ZNRF3: variants seen among roughly 807,000 people sequenced by gnomAD.
ZNRF3 encodes the protein E3 ubiquitin-protein ligase ZNRF3.
ZNRF3 carries 23 observed loss-of-function variants against 72.5 expected under a neutral mutation model. The ratio of observed to expected loss-of-function variants is 0.32; its 90% CI spans 0.23 to 0.45. ZNRF3 has a LOEUF of 0.45. Ranked by LOEUF, ZNRF3 falls within the 20% of genes least tolerant of loss-of-function variation. The pLI, the probability that ZNRF3 is intolerant of heterozygous loss-of-function variation, is 1.00. For missense variants in ZNRF3, 1,169 were observed against 1,272.1 expected (o/e 0.92, Z 1.23); for synonymous variants, 610 against 545.3 (o/e 1.12, Z -1.65).
At chr22:28,958,352 A>T (rs1032676250) in intron 1 of ZNRF3, among the ~76,000 whole-genome samples, 2 of 152,330 alleles carry the variant, frequency 1.3e-5, no homozygotes, top group South Asian at 4.1e-4. Context: ...TGATCAGTAG[A>T]TTTGGAGATG....
chr22:28,963,511 A>G (rs967982044), intron 1 of ZNRF3, among the ~76,000 whole-genome samples: 4 of 152,188 alleles, frequency 2.6e-5, no homozygotes, highest in African/African-American at 9.7e-5. Flanking sequence ...TAAAAGCAAT[A>G]AATTATTTGT....
rs568694974 is a variant in ZNRF3 at position 28,920,679 on chromosome 22, A to G, written c.300+36613A>G. On this transcript the variant is annotated intron_variant, in intron 1 of 8. Coordinates refer to ENST00000544604, the MANE Select transcript of ZNRF3 (RefSeq NM_001206998.2). ...TCTCATTCTCTGTGTTGACTTTACAATAGCTATGCTTTTTTCCCTCTCATT... is the reference window on the plus strand; with the variant it reads ...TCTCATTCTCTGTGTTGACTTTACAGTAGCTATGCTTTTTTCCCTCTCATT... 1.1e-4 allele frequency among the ~76,000 whole-genome samples: 16 copies of G among 152,368 alleles called. No homozygotes were observed. The South Asian group carries it at 1.5e-3, about 14-fold the overall frequency.
At chr22:29,029,441 G>T (rs2123869229) in intron 2 of ZNRF3, among the ~76,000 whole-genome samples, 1 of 152,264 alleles carries the variant, frequency 6.6e-6, no homozygotes, top group East Asian at 1.9e-4. Flanking sequence ...TTGCCTCATT[G>T]TAAGTAGTCC....
At chr22:28,980,770 C>T (rs1201866703) in intron 1 of ZNRF3, among the ~76,000 whole-genome samples, 2 of 152,176 alleles carry the variant, frequency 1.3e-5, no homozygotes, top group Non-Finnish European at 2.9e-5. Flanking sequence ...TTCTTGTCTT[C>T]TCATTTCAAG....
At chr22:28,951,310 G>A (rs1445380617) in intron 1 of ZNRF3, among the ~76,000 whole-genome samples, 1 of 152,096 alleles carries the variant, frequency 6.6e-6, no homozygotes, top group African/African-American at 2.4e-5. Context: ...TCTTTACGGA[G>A]GTAATCAAGT....
intron 2 of ZNRF3, among the ~76,000 whole-genome samples, chr22:29,020,877 A>G (rs1986295): frequency 0.016 from 2,345 of 150,924 alleles, 50 homozygotes; most frequent in South Asian, 0.058. Context: ...GCTCACTGCA[A>G]GCTCCACTTC....
At chr22:29,046,687 C>A in intron 5 of ZNRF3, 29 bp from the exon 6 acceptor site, 1 of 1,564,312 alleles carries the variant, frequency 6.4e-7, no homozygotes, top group Admixed American at 1.8e-5. Context: ...CGTACTGGAC[C>A]CTCACACAGA....
intron 1 of ZNRF3, among the ~76,000 whole-genome samples, chr22:28,894,517 C>T (rs1260578609): frequency 6.6e-6 from 1 of 152,092 alleles, no homozygotes; most frequent in Non-Finnish European, 1.5e-5. Context: ...AGGCAGATGG[C>T]CATGCTCAGA....
intron 1 of ZNRF3, among the ~76,000 whole-genome samples, chr22:28,945,749 C>T (rs1045177207): frequency 2.6e-5 from 4 of 152,014 alleles, no homozygotes; most frequent in African/African-American, 9.7e-5. Flanking sequence ...AGGATGGTCT[C>T]GATCTCTTGA....
intron 1 of ZNRF3, among the ~76,000 whole-genome samples, chr22:28,973,488 A>T (rs2035612228): frequency 6.6e-6 from 1 of 152,128 alleles, no homozygotes; most frequent in Admixed American, 6.5e-5. Context: ...CCTTCAGATG[A>T]GGTTACATGA....
At chr22:28,938,493 AAC>A (rs772553852) in intron 1 of ZNRF3, among the ~76,000 whole-genome samples, 1 of 152,208 alleles carries the variant, frequency 6.6e-6, no homozygotes, top group Non-Finnish European at 1.5e-5. Flanking sequence ...TAGTTATCAA[AAC>A]AGTCTTACTC....
At chr22:28,978,390 T>C (rs2035710485) in intron 1 of ZNRF3, among the ~76,000 whole-genome samples, 1 of 152,212 alleles carries the variant, frequency 6.6e-6, no homozygotes, top group South Asian at 2.1e-4. Context: ...GTTCTTTCTC[T>C]TACCGTGTGT....
At chr22:29,007,621 C>T (rs2036278539) in intron 2 of ZNRF3, among the ~76,000 whole-genome samples, 1 of 152,016 alleles carries the variant, frequency 6.6e-6, no homozygotes, top group African/African-American at 2.4e-5. Context: ...GTGACAAGAC[C>T]TCATCTCTAG....
chr22:29,049,468 C>T lies in ZNRF3; in HGVS notation c.1287C>T (p.Ala429=), dbSNP rs2037140245. Residue 429 remains alanine (A), a synonymous_variant, in exon 8 of 9, where the codon GCC becomes GCT. Coordinates refer to ENST00000544604, the MANE Select transcript of ZNRF3 (RefSeq NM_001206998.2). This position sits in a 1 kb window ranked among gnomAD's most constrained non-coding sequence, Gnocchi z 5.2. The part of the protein sequence containing the change: ...YPPLHLDHSL[A]AHRCGLEHRA... ...CCCTCCACCTGGACCACAGCCTGGC[C>T]GCTCACCGCTGCGGCCTGGAGCACC... The T allele has an allele frequency of 2.5e-6, 4 of 1,605,056 alleles. No individual in the cohort carries two copies. Among genetic ancestry groups the T allele is most frequent in the Non-Finnish European group, 3.4e-6 (4 of 1,179,732 alleles).
In ZNRF3 at chr22:29,050,608, G is replaced by A. The variant is rs1195061472; in HGVS notation, c.2427G>A (p.Thr809=). The change falls in exon 8 of 9, where the codon ACG becomes ACA. Residue 809 remains threonine, a synonymous_variant. Coordinates refer to ENST00000544604, the MANE Select transcript of ZNRF3 (RefSeq NM_001206998.2). ...TEDYSVSVQY[T]LTEEPPPGCY... The stretch of plus-strand genomic sequence containing the variant: ...ACTACTCGGTGAGTGTGCAGTACAC[G>A]CTCACCGAGGAACCACCGCCCGGCT... 2.5e-6 allele frequency: 4 copies of A among 1,609,706 alleles called. No individual in the cohort carries two copies. The highest frequency in any genetic ancestry group is 1.3e-5 in the African/African-American group (1 of 74,936).
intron 1 of ZNRF3, among the ~76,000 whole-genome samples, chr22:28,978,634 G>T (rs1427821164): frequency 1.3e-5 from 2 of 152,262 alleles, no homozygotes; most frequent in South Asian, 4.1e-4. Context: ...AATAATTCAC[G>T]TGTCTGTTTA....
chr22:28,926,797 C>CA (rs747908278), intron 1 of ZNRF3, among the ~76,000 whole-genome samples: 11,509 of 77,154 alleles, frequency 0.15, 718 homozygotes, highest in African/African-American at 0.26. Context: ...AACTCCATCT[C>CA]AAAAAAAAAA....
intron 1 of ZNRF3, among the ~76,000 whole-genome samples, chr22:28,944,195 C>T (rs552265008): frequency 4.6e-5 from 7 of 152,230 alleles, no homozygotes; most frequent in Admixed American, 2.0e-4. Context: ...ACTCATACCC[C>T]GGCTAGGTGC....
chr22:28,928,748 G>C (rs373653913), intron 1 of ZNRF3, among the ~76,000 whole-genome samples: 140 of 151,908 alleles, frequency 9.2e-4, no homozygotes, highest in African/African-American at 3.3e-3. Flanking sequence ...CGCCCGCCTC[G>C]GCCTCCCAAA....
Sources: gnomAD v4.1 joint callset for allele counts (sites outside exome capture counted in the v4.1 genomes callset) on GRCh38, gnomAD v4.1.1 for gene constraint, Gnocchi (gnomAD v3.1) non-coding constraint, MANE v1.5 for transcripts, NCBI Gene and HGNC (gene_info 2026-07-23, HGNC 2026-07-21) for gene names.